The following FOXK2 variants were observed in gnomAD, a reference collection of about 807,000 sequenced individuals.
FOXK2 encodes forkhead box protein K2.
Under a neutral mutation model 53.3 loss-of-function variants are expected in FOXK2, and 24 were observed. The observed-to-expected ratio is 0.45, with a 90% CI of 0.33 to 0.63. The LOEUF (loss-of-function observed/expected upper bound fraction) is 0.63. Among genes scored for constraint, FOXK2 ranks in the 30% least tolerant of loss-of-function variants. FOXK2 has a pLI of 0.03. For missense variants in FOXK2, 952 were observed against 910.5 expected, an observed-to-expected ratio of 1.05 and a Z score of -0.59; for synonymous variants, 505 against 407.1, an observed-to-expected ratio of 1.24 and a Z score of -2.89.
At chr17:82,585,880 C>A in intron 6 of FOXK2, 24 bp from the exon 7 acceptor site, 2 of 1,595,200 alleles carry the variant, frequency 1.3e-6, no homozygotes, top group South Asian at 1.1e-5. Context: ...CTGTAAGTGT[C>A]AGTCCTGCTG....
intron 8 of FOXK2, chr17:82,601,074 G>T: frequency 2.1e-6 from 1 of 481,694 alleles, no homozygotes; most frequent in Non-Finnish European, 3.7e-6. Context: ...CAGTTTTTTG[G>T]GGTCCCAAGG....
At chr17:82,564,788 A>G (rs556075030) in intron 2 of FOXK2, among the ~76,000 whole-genome samples, 2 of 150,466 alleles carry the variant, frequency 1.3e-5, no homozygotes, top group South Asian at 2.1e-4. Context: ...CTGGAGTCCA[A>G]TGTGCGGTCT....
intron 1 of FOXK2, among the ~76,000 whole-genome samples, chr17:82,551,379 TAAG>T (rs1188749362): frequency 6.8e-6 from 1 of 147,950 alleles, no homozygotes; most frequent in African/African-American, 2.5e-5. Context: ...TTTTGAAGGA[TAAG>T]AAGTTAAAGC....
At chr17:82,567,632 C>T (rs552307084) in intron 2 of FOXK2, among the ~76,000 whole-genome samples, 2 of 152,328 alleles carry the variant, frequency 1.3e-5, no homozygotes, top group East Asian at 3.9e-4. Context: ...CCCCACCACC[C>T]CGACTTTCCC....
At chr17:82,565,344 T>G (rs1335964257) in intron 2 of FOXK2, among the ~76,000 whole-genome samples, 1 of 152,154 alleles carries the variant, frequency 6.6e-6, no homozygotes, top group Non-Finnish European at 1.5e-5. Context: ...TTAAAAAATT[T>G]CTGCATCAAA....
intron 5 of FOXK2, 22 bp downstream of exon 5, chr17:82,582,956 A>G (rs1289129875): frequency 2.6e-6 from 4 of 1,514,626 alleles, no homozygotes; most frequent in Non-Finnish European, 2.6e-6. Flanking sequence ...GAAGAACAAA[A>G]GGCCTCACTT....
intron 1 of FOXK2, among the ~76,000 whole-genome samples, chr17:82,542,176 T>TG (rs2044580948): frequency 2.0e-5 from 3 of 146,352 alleles, no homozygotes; most frequent in Admixed American, 1.4e-4. Context: ...CTTTTTTTTT[T>TG]TTTTGAGACA....
Position 82,520,239 on chromosome 17 carries a change from C to G in FOXK2, c.351C>G (p.Gly117=). The change falls in exon 1 of 9, where the codon GGC becomes GGG. Residue 117 remains glycine (G), a synonymous_variant. Coordinates refer to ENST00000335255, the MANE Select transcript of FOXK2 (RefSeq NM_004514.4). ...GCGACTTCTACCTGCGCTGCTTGGGCAAGAACGGGGTATTCGTGGACGGCG... is the reference window on the plus strand; with the variant it reads ...GCGACTTCTACCTGCGCTGCTTGGGGAAGAACGGGGTATTCGTGGACGGCG... ...AGGDFYLRCL[G]KNGVFVDGVF... 1 of 1,307,746 alleles carries G rather than the reference C, an allele frequency of 7.6e-7. No homozygotes were observed. The highest frequency in any genetic ancestry group is 3.1e-5 in the East Asian group (1 of 32,052). 81.0% of individuals were successfully genotyped at this position (1,307,746 alleles called of 1,614,324 possible).
chr17:82,524,617 A>G (rs59885725), intron 1 of FOXK2, among the ~76,000 whole-genome samples: 2,032 of 152,258 alleles, frequency 0.013, 44 homozygotes, highest in African/African-American at 0.047. Flanking sequence ...GGTTTTCTGG[A>G]AAACAAATGG....
intron 1 of FOXK2, among the ~76,000 whole-genome samples, chr17:82,522,640 CGA>C (rs992123672): frequency 8.6e-5 from 13 of 151,524 alleles, no homozygotes; most frequent in Admixed American, 5.9e-4. Context: ...CAAAGTGCTG[CGA>C]TTACAGGCAT....
chr17:82,561,709 G>A (rs1306775893), intron 1 of FOXK2, among the ~76,000 whole-genome samples: 2 of 152,170 alleles, frequency 1.3e-5, no homozygotes, highest in African/African-American at 2.4e-5. Flanking sequence ...TGTCCTTCCC[G>A]ACCCCGGCTA....
intron 7 of FOXK2, 82 bp downstream of exon 7, chr17:82,586,282 CCACAGGGAGGTCAAAGGTGGG>C: frequency 2.3e-6 from 1 of 437,162 alleles, no homozygotes; most frequent in South Asian, 3.0e-5. Flanking sequence ...AGAGGGGAGA[CCACAGGGAGGTCAAAGGTGGG>C]CCGGGGGGGA....
chr17:82,567,957 T>A, intron 2 of FOXK2, 97 bp from the exon 3 acceptor site: 1 of 798,048 alleles, frequency 1.3e-6, no homozygotes, highest in Non-Finnish European at 1.8e-6. Context: ...TTAACATTTC[T>A]GTATTTGTTA....
intron 2 of FOXK2, among the ~76,000 whole-genome samples, chr17:82,564,841 A>G (rs2044836865): frequency 6.6e-6 from 1 of 150,510 alleles, no homozygotes; most frequent in Non-Finnish European, 1.5e-5. Flanking sequence ...AGCGATTCTC[A>G]AGCCTCAGTC....
At position 82,582,729 on chromosome 17, in the gene FOXK2, T is replaced by A; in HGVS notation, c.910-12T>A. 1.3e-6 allele frequency: 2 copies of A among 1,547,162 alleles called. No individual in the cohort carries two copies. Among genetic ancestry groups the A allele is most frequent in the Non-Finnish European group, 1.7e-6 (2 of 1,147,696 alleles). On this transcript the variant is annotated splice_polypyrimidine_tract_variant and intron_variant, in intron 4 of 8. Transcript: ENST00000335255. ...AATATATGAATTCTACGTATTTTTT[T>A]ATGTTTCATAGAATTCAATTCGCCA...
chr17:82,571,681 T>C, intron 3 of FOXK2, 43 bp from the exon 4 acceptor site: 1 of 1,455,872 alleles, frequency 6.9e-7, no homozygotes, highest in Non-Finnish European at 9.1e-7. Context: ...ATACAAAATA[T>C]GGTAACTTCA....
At chr17:82,544,102 G>C (rs2044600077) in intron 1 of FOXK2, among the ~76,000 whole-genome samples, 1 of 151,952 alleles carries the variant, frequency 6.6e-6, no homozygotes, top group South Asian at 2.1e-4. Context: ...TTATAGACAT[G>C]AGGTCTCACT....
intron 4 of FOXK2, among the ~76,000 whole-genome samples, chr17:82,579,906 A>G (rs1262633981): frequency 8.8e-6 from 1 of 113,792 alleles, no homozygotes; most frequent in Admixed American, 8.6e-5. Context: ...AGCTCCATCC[A>G]CAGGGCCCAG....
intron 6 of FOXK2, 118 bp from the exon 7 acceptor site, chr17:82,585,786 G>T: frequency 1.0e-6 from 1 of 973,662 alleles, no homozygotes; most frequent in Non-Finnish European, 1.5e-6. Flanking sequence ...GGTGAAATAG[G>T]GCCATATCCT....
Sources: gnomAD v4.1 joint callset for allele counts (sites outside exome capture counted in the v4.1 genomes callset) on GRCh38, gnomAD v4.1.1 for gene constraint, MANE v1.5 for transcripts, NCBI Gene and HGNC (gene_info 2026-07-23, HGNC 2026-07-21) for gene names.